Variants in SMURF2 observed in about 807,000 individuals in gnomAD.
SMURF2 encodes the protein E3 ubiquitin-protein ligase SMURF2.
In SMURF2, 48 loss-of-function variants were observed where a neutral mutation model predicts 109.6. The ratio of observed to expected loss-of-function variants is 0.44; its 90% CI spans 0.35 to 0.56. The LOEUF (loss-of-function observed/expected upper bound fraction) is 0.56, where lower values mean the gene tolerates loss of function less well. Ranked by LOEUF, SMURF2 falls within the 20% of genes least tolerant of loss-of-function variation. The probability of loss-of-function intolerance (pLI) is 0.01; values close to 1 mark genes in which losing one functional copy is unlikely to be tolerated. For missense variants in SMURF2, 575 were observed against 909.0 expected (o/e 0.63, Z 4.72); for synonymous variants, 288 against 317.1 (o/e 0.91, Z 0.97).
At chr17:64,593,325 T>A (rs1301716533) in intron 4 of SMURF2, 115 bp downstream of exon 4, 6 of 784,322 alleles carry the variant, frequency 7.6e-6, no homozygotes, top group East Asian at 3.8e-5. Flanking sequence ...ATATTATTTT[T>A]AAATATATAT....
intron 1 of SMURF2, among the ~76,000 whole-genome samples, chr17:64,653,070 G>A (rs1177973677): frequency 6.6e-6 from 1 of 151,836 alleles, no homozygotes; most frequent in African/African-American, 2.4e-5. Context: ...GGTTTCATCA[G>A]CATTCAAAAC....
chr17:64,576,890 T>A (rs1555686122), intron 9 of SMURF2, among the ~76,000 whole-genome samples: 3 of 140,460 alleles, frequency 2.1e-5, no homozygotes, highest in Non-Finnish European at 4.6e-5. Context: ...TTTTTTTTTT[T>A]TTTTTTTTTG....
chr17:64,609,217 A>G (rs1211477073), intron 1 of SMURF2, among the ~76,000 whole-genome samples: 1 of 152,224 alleles, frequency 6.6e-6, no homozygotes, highest in Non-Finnish European at 1.5e-5. Context: ...TATAGATTCA[A>G]TGCTATCCCC....
At chr17:64,648,741 G>C (rs1226929600) in intron 1 of SMURF2, among the ~76,000 whole-genome samples, 1 of 152,136 alleles carries the variant, frequency 6.6e-6, no homozygotes, top group Admixed American at 6.6e-5. Flanking sequence ...GCGACAGAGT[G>C]AGACCCTGTT....
At chr17:64,613,566 C>T (rs976500539) in intron 1 of SMURF2, among the ~76,000 whole-genome samples, 3 of 151,682 alleles carry the variant, frequency 2.0e-5, no homozygotes, top group Admixed American at 1.3e-4. Flanking sequence ...GTTAGGTGGG[C>T]GAGGCCAGAA....
At chr17:64,628,894 T>TCA (rs1309685273) in intron 1 of SMURF2, among the ~76,000 whole-genome samples, 1 of 152,158 alleles carries the variant, frequency 6.6e-6, no homozygotes, top group Non-Finnish European at 1.5e-5. Flanking sequence ...GCCTTAGATA[T>TCA]CACAGTTCTA....
chr17:64,548,420 C>T (rs1463926487), intron 16 of SMURF2, among the ~76,000 whole-genome samples: 1 of 151,960 alleles, frequency 6.6e-6, no homozygotes, highest in Non-Finnish European at 1.5e-5. Context: ...CAGAATTTTG[C>T]TCTGTCTCCT....
intron 16 of SMURF2, among the ~76,000 whole-genome samples, chr17:64,551,368 A>AAG (rs113423709): frequency 9.2e-5 from 14 of 151,952 alleles, no homozygotes; most frequent in Non-Finnish European, 1.9e-4. Context: ...GAAAAAAAAA[A>AAG]AGAGAGAGAG....
intron 7 of SMURF2, among the ~76,000 whole-genome samples, chr17:64,582,789 G>A (rs1969595121): frequency 6.6e-6 from 1 of 152,030 alleles, no homozygotes; most frequent in African/African-American, 2.4e-5. Flanking sequence ...AGTAGAGATG[G>A]GGTTTCTCCA....
chr17:64,556,068 T>G, intron 13 of SMURF2, 70 bp from the exon 14 acceptor site: 1 of 1,144,566 alleles, frequency 8.7e-7, no homozygotes. Context: ...ATGAAATATT[T>G]CAGCAACATT....
chr17:64,605,774 T>TATATATATATATATATATATA (rs1555688992), intron 2 of SMURF2, among the ~76,000 whole-genome samples: 7 of 141,024 alleles, frequency 5.0e-5, no homozygotes, highest in African/African-American at 1.9e-4. Context: ...TATATATATA[T>TATATATATATATATATATATA]ATCTTATTTC....
intron 1 of SMURF2, among the ~76,000 whole-genome samples, chr17:64,629,676 T>C (rs1555691431): frequency 1.3e-5 from 2 of 152,244 alleles, no homozygotes; most frequent in African/African-American, 4.8e-5. Context: ...TAAATGGCCT[T>C]TTCAGCCTCC....
chr17:64,583,414 G>A (rs567902064), intron 7 of SMURF2, 47 bp downstream of exon 7: 1 of 1,478,444 alleles, frequency 6.8e-7, no homozygotes, highest in Non-Finnish European at 9.5e-7. Context: ...AAGGACTTCA[G>A]GAGGGTGGCT....
chr17:64,570,976 G>A (rs1467642516), intron 10 of SMURF2, among the ~76,000 whole-genome samples: 1 of 151,916 alleles, frequency 6.6e-6, no homozygotes, highest in Non-Finnish European at 1.5e-5. Context: ...AAGAGAATAG[G>A]ACTCACATGT....
chr17:64,560,966 CAA>C (rs782010996), intron 12 of SMURF2: 3,902 of 59,490 alleles, frequency 0.066, 43 homozygotes, highest in Admixed American at 0.088. Context: ...ACCCTGTCTC[CAA>C]AAAAAAAAAA....
intron 13 of SMURF2, 126 bp downstream of exon 13, chr17:64,557,482 G>A (rs1969139098): frequency 3.1e-6 from 2 of 642,986 alleles, no homozygotes; most frequent in Non-Finnish European, 5.3e-6. Flanking sequence ...TTTATAGAAG[G>A]GGAATTGCTG....
chr17:64,649,425 CT>C (rs1188117776), intron 1 of SMURF2, among the ~76,000 whole-genome samples: 1 of 152,166 alleles, frequency 6.6e-6, no homozygotes, highest in African/African-American at 2.4e-5. Flanking sequence ...CTCCAAAATC[CT>C]GAGCCATCTT....
intron 9 of SMURF2, among the ~76,000 whole-genome samples, chr17:64,575,377 T>A (rs1969475770): frequency 6.6e-6 from 1 of 151,878 alleles, no homozygotes; most frequent in Non-Finnish European, 1.5e-5. Flanking sequence ...GGTCTCAAAT[T>A]CCTGACTTCA....
chr17:64,586,191 T>C lies in SMURF2; in HGVS notation c.401-21A>G, dbSNP rs1478097338. ...ACTTACTATTAAATGACAGAAATAT[T>C]ACTAAGATTCATACAACTAGAAAGA... On this transcript the variant is annotated intron_variant, in intron 5 of 18. Coordinates refer to ENST00000262435, the MANE Select transcript of SMURF2 (RefSeq NM_022739.4). The C allele has an allele frequency of 2.7e-6, 4 of 1,491,984 alleles. No individual in the cohort carries two copies. The African/African-American group carries it at 4.2e-5, about 16-fold the overall frequency. The allele number at this position is 1,491,984 out of a possible 1,614,324, so 92.4% of individuals were successfully genotyped here.
Sources: gnomAD v4.1 joint callset for allele counts (sites outside exome capture counted in the v4.1 genomes callset) on GRCh38, gnomAD v4.1.1 for gene constraint, MANE v1.5 for transcripts, NCBI Gene and HGNC (gene_info 2026-07-23, HGNC 2026-07-21) for gene names.